Variants in TTF1 observed in about 807,000 individuals in gnomAD.
TTF1 encodes the protein transcription termination factor 1, also known as transcription termination factor, RNA polymerase I.
In TTF1, 64 loss-of-function variants were observed where a neutral mutation model predicts 80.2. That is an observed-to-expected ratio of 0.80 (90% CI 0.65 to 0.98). The LOEUF (loss-of-function observed/expected upper bound fraction) is 0.98. Among genes scored for constraint, TTF1 ranks in the 50% least tolerant of loss-of-function variants. TTF1 has a pLI of 0.00. For missense variants in TTF1, 1,023 were observed against 1,086.2 expected (o/e 0.94, Z 0.82); for synonymous variants, 372 against 382.7 (o/e 0.97, Z 0.33).
At chr9:132,389,861 C>T (rs986293536) in intron 7 of TTF1, among the ~76,000 whole-genome samples, 5 of 152,218 alleles carry the variant, frequency 3.3e-5, no homozygotes, top group South Asian at 4.1e-4. Flanking sequence ...ATGCCTACCT[C>T]GCTTCATCTG....
At chr9:132,394,839 G>A (rs369728899) in intron 5 of TTF1, among the ~76,000 whole-genome samples, 6 of 151,196 alleles carry the variant, frequency 4.0e-5, no homozygotes, top group East Asian at 3.9e-4. Flanking sequence ...GTTCCAATGA[G>A]CCGAGTTCGC....
At position 132,390,754 on chromosome 9, in the gene TTF1, T is replaced by C; in HGVS notation, c.2065A>G (p.Met689Val). 2 of 1,614,202 alleles carry C rather than the reference T, an allele frequency of 1.2e-6. No individual in the cohort carries two copies. Among genetic ancestry groups the C allele is most frequent in the Non-Finnish European group, 1.7e-6 (2 of 1,180,026 alleles). ...KAVEEVILKK[M>V]SPQELKEVDS... ...ACCTCTTTTAACTCCTGGGGAGACA[T>C]CTTCTTCAGAATCACTTCTTCGACA... Residue 689 changes from methionine (M) to valine (V), a missense_variant, in exon 7 of 11, where the codon ATG (methionine) becomes GTG (valine). Physicochemically the swap from Met to Val is conservative, Grantham distance 21. Coordinates refer to ENST00000334270, the MANE Select transcript of TTF1 (RefSeq NM_007344.4).
At position 132,388,168 on chromosome 9, in the gene TTF1, G is replaced by C; in HGVS notation, c.2283C>G (p.Ala761=). The change falls in exon 8 of 11, where the codon GCC becomes GCG. Residue 761 remains alanine, a synonymous_variant. Coordinates refer to ENST00000334270, the MANE Select transcript of TTF1 (RefSeq NM_007344.4). ...CAATAAGGCTGACCTTGGCCCGCAGGGCATTCATGCCATAGTAGATACGCC... is the reference window on the plus strand; with the variant it reads ...CAATAAGGCTGACCTTGGCCCGCAGCGCATTCATGCCATAGTAGATACGCC... ...NGRRIYYGMN[A]LRAKVSLIER... is the part of the protein sequence containing the mutation. The C allele has an allele frequency of 6.2e-7, 1 of 1,612,032 alleles. No individual in the cohort carries two copies. The highest frequency in any genetic ancestry group is 8.5e-7 in the Non-Finnish European group (1 of 1,178,572).
At chr9:132,388,934 G>A (rs1849515459) in intron 7 of TTF1, among the ~76,000 whole-genome samples, 1 of 152,216 alleles carries the variant, frequency 6.6e-6, no homozygotes. Context: ...CAACAACATT[G>A]TTGCTCTTAA....
At chr9:132,388,048 G>A (rs1849500475) in intron 8 of TTF1, 91 bp downstream of exon 8, 8 of 957,476 alleles carry the variant, frequency 8.4e-6, no homozygotes, top group South Asian at 5.9e-5. Flanking sequence ...TTTGGACCTT[G>A]GCAATCTCAC....
At position 132,392,156 on chromosome 9, in the gene TTF1, C is replaced by G; in HGVS notation, c.1907G>C (p.Gly636Ala). Residue 636 changes from glycine (G) to alanine (A), a missense_variant, in exon 6 of 11, where the codon GGG becomes GCG. Transcript: ENST00000334270. ...EKLKMYHSLL[G>A]NDWKTIGEMV... ...CTCACCAATCGTCTTCCAGTCATTC[C>G]CAAGGAGAGAATGGTACATCTTTAA... is the stretch of plus-strand genomic sequence containing the variant. 2 of 1,614,124 alleles carry G rather than the reference C, an allele frequency of 1.2e-6. No individual in the cohort carries two copies. The highest frequency in any genetic ancestry group is 1.7e-6 in the Non-Finnish European group (2 of 1,180,024).
rs897801861 is a variant in TTF1, at chr9:132,406,794, C to G, written c.-12G>C. 1 of 152,152 alleles carries G rather than the reference C, an allele frequency of 6.6e-6. No homozygotes were observed. The highest frequency in any genetic ancestry group is 2.4e-5 in the African/African-American group (1 of 41,438). 9.4% of individuals were successfully genotyped at this position (152,152 alleles called of 1,614,324 possible). On this transcript the variant is annotated 5_prime_UTR_variant, in exon 1 of 11. Coordinates refer to ENST00000334270, the MANE Select transcript of TTF1 (RefSeq NM_007344.4). The stretch of plus-strand genomic sequence containing the variant: ...ACAAAGGCGCTTTCAACTTACCCTC[C>G]GAAAGCGCCGCCACCTTTCTCCCAA...
At chr9:132,388,081 ACTT>A in intron 8 of TTF1, 55 bp downstream of exon 8, 1 of 1,394,006 alleles carries the variant, frequency 7.2e-7, no homozygotes, top group Non-Finnish European at 1.0e-6. Context: ...TGGGTTAACA[ACTT>A]CTCTTTGGCT....
intron 9 of TTF1, among the ~76,000 whole-genome samples, chr9:132,386,162 T>C (rs1018297995): frequency 6.6e-6 from 1 of 152,142 alleles, no homozygotes; most frequent in Non-Finnish European, 1.5e-5. Flanking sequence ...ATTTTTCCAC[T>C]GGAAAACTGA....
At chr9:132,389,168 A>G (rs1244254432) in intron 7 of TTF1, among the ~76,000 whole-genome samples, 1 of 150,018 alleles carries the variant, frequency 6.7e-6, no homozygotes, top group African/African-American at 2.5e-5. Context: ...CTTGAGGCTT[A>G]TAACTCACTC....
chr9:132,393,668 A>G (rs1265849649), intron 5 of TTF1, among the ~76,000 whole-genome samples: 1 of 151,892 alleles, frequency 6.6e-6, no homozygotes, highest in African/African-American at 2.4e-5. Context: ...CCCACTTCAC[A>G]CCTCTATATT....
rs140934406 is a variant in TTF1, at chr9:132,395,749, G to T, written c.1856+684C>A. On this transcript the variant is annotated intron_variant, in intron 5 of 10. Coordinates refer to ENST00000334270, the MANE Select transcript of TTF1 (RefSeq NM_007344.4). ...TGCCGCTGCCAGAAGATTTATGAAA[G>T]CTGCCTCTCAGAGAGAGGTCAAGCA... 3.1e-3 allele frequency among the ~76,000 whole-genome samples: 477 copies of T among 152,328 alleles called. 2 individuals carry two copies. Among genetic ancestry groups the T allele is most frequent in the African/African-American group, 0.011 (463 of 41,562 alleles).
Position 132,401,818 on chromosome 9 carries a change from T to C in TTF1, c.1004A>G (p.Lys335Arg). 2 of 1,614,072 alleles carry C rather than the reference T, an allele frequency of 1.2e-6. No individual in the cohort carries two copies. Among genetic ancestry groups the C allele is most frequent in the African/African-American group, 1.3e-5 (1 of 74,984 alleles). Residue 335 changes from lysine (K) to arginine (R), a missense_variant, in exon 2 of 11, where the codon AAA becomes AGA. Physicochemically the swap from Lys to Arg is conservative, Grantham distance 26. Coordinates refer to ENST00000334270, the MANE Select transcript of TTF1 (RefSeq NM_007344.4). ...APAYKNKSKK[K>R]KKKSNHQEFE... Reference sequence around the variant, plus strand: ...TTCCTGGTGATTGGACTTTTTCTTTTTTTTCTTAGACTTGTTTTTATAAGC... The same window carrying C: ...TTCCTGGTGATTGGACTTTTTCTTTCTTTTCTTAGACTTGTTTTTATAAGC...
At chr9:132,381,875 C>CAA (rs912912945) in intron 9 of TTF1, among the ~76,000 whole-genome samples, 2 of 152,142 alleles carry the variant, frequency 1.3e-5, no homozygotes, top group African/African-American at 4.8e-5. Flanking sequence ...AGAAACAAAA[C>CAA]AAAATCTTTC....
At chr9:132,404,500 G>A (rs1849826903) in intron 1 of TTF1, among the ~76,000 whole-genome samples, 1 of 151,978 alleles carries the variant, frequency 6.6e-6, no homozygotes, top group Non-Finnish European at 1.5e-5. Context: ...TGCCTTCTCA[G>A]AGAGATGGTG....
intron 1 of TTF1, 88 bp from the exon 2 acceptor site, chr9:132,402,916 C>CG (rs1386026214): frequency 7.6e-7 from 1 of 1,319,282 alleles, no homozygotes; most frequent in East Asian, 2.4e-5. Context: ...AGTGCAGTGG[C>CG]GCGATCTCGG....
rs769975622 is a variant in TTF1, at chr9:132,388,239, AG to A, written c.2223-12del. The A allele has an allele frequency of 4.8e-5, 75 of 1,576,650 alleles. 1 individual carries two copies. The highest frequency in any genetic ancestry group is 1.6e-4 in the African/African-American group (12 of 74,276). ...GTTAGAATTTCTGTCCTACATTAAAAGGAAGAAAAACATAGTTTACTTTCAA... is the reference window on the plus strand; with the variant it reads ...GTTAGAATTTCTGTCCTACATTAAAAGAAGAAAAACATAGTTTACTTTCAA... On this transcript the variant is annotated splice_polypyrimidine_tract_variant and intron_variant, in intron 7 of 10. Transcript: ENST00000334270.
intron 5 of TTF1, among the ~76,000 whole-genome samples, chr9:132,394,062 C>T (rs1849605290): frequency 1.3e-5 from 2 of 150,684 alleles, no homozygotes; most frequent in Admixed American, 1.3e-4. Context: ...GCTGGGACTA[C>T]AGGTGCATAC....
chr9:132,388,988 G>A (rs1046502077), intron 7 of TTF1, among the ~76,000 whole-genome samples: 3 of 152,164 alleles, frequency 2.0e-5, no homozygotes, highest in African/African-American at 7.2e-5. Flanking sequence ...ACCAGTGGAG[G>A]TCACTTCAAT....
Sources: gnomAD v4.1 joint callset for allele counts (sites outside exome capture counted in the v4.1 genomes callset) on GRCh38, gnomAD v4.1.1 for gene constraint, MANE v1.5 for transcripts, NCBI Gene and HGNC (gene_info 2026-07-23, HGNC 2026-07-21) for gene names.